The following USP51 variants were observed in gnomAD, a reference collection of about 807,000 sequenced individuals.
USP51 encodes the protein ubiquitin specific peptidase 51, also known as ubiquitin carboxyl-terminal hydrolase 51.
USP51 carries 5 observed loss-of-function variants against 17.6 expected under a neutral mutation model. The ratio of observed to expected loss-of-function variants is 0.28; its 90% confidence interval spans 0.15 to 0.60. The LOEUF is 0.60. USP51 is among the 20% of genes least tolerant of loss of function. USP51 has a pLI of 0.88. For missense variants in USP51, 459 were observed against 559.5 expected, an observed-to-expected ratio of 0.82 and a Z score of 1.81; for synonymous variants, 248 against 216.1, an observed-to-expected ratio of 1.15 and a Z score of -1.29.
At position 55,485,671 on chromosome X, in the gene USP51, A is replaced by AT. The variant is rs906367117; in HGVS notation, c.*1132dup. 3 of 110,625 alleles carry AT rather than the reference A, an allele frequency of 2.7e-5. No individual in the cohort carries two copies. Among genetic ancestry groups the AT allele is most frequent in the Non-Finnish European group, 5.7e-5 (3 of 52,766 alleles). 9.1% of individuals were successfully genotyped at this position (110,625 alleles called of 1,213,427 possible). ...AATTTTTTCTACTTGAATCTTTCAC[A>AT]TTTTTTCACTGGTCAATTTTTATGT... On this transcript the variant is annotated 3_prime_UTR_variant, in exon 3 of 3. Coordinates refer to ENST00000500968, the MANE Select transcript of USP51 (RefSeq NM_201286.4).
rs2031387149 is a variant in USP51, at chrX:55,489,255, G to A, written c.-136C>T. On this transcript the variant is annotated 5_prime_UTR_variant, in exon 2 of 3. Coordinates refer to ENST00000500968, the MANE Select transcript of USP51 (RefSeq NM_201286.4). ...GGGTGGGGAACGGCCTGAGCTTTAG[G>A]ACAGAAAGGATGGAAACTTCTTTAA... 1 of 255,713 alleles carries A rather than the reference G, an allele frequency of 3.9e-6. No individual in the cohort carries two copies. The highest frequency in any genetic ancestry group is 6.9e-6 in the Non-Finnish European group (1 of 145,014). The allele number at this position is 255,713 out of a possible 1,213,427, so 21.1% of individuals were successfully genotyped here.
rs758432980 is a variant in USP51 at position 55,485,371 on chromosome X, C to T, written c.*1433G>A. ...ACTTCCTTCAGGATATGAGATGGGGCATGGAATCTCAAGAGGGGAAGGTGG... is the reference window on the plus strand; with the variant it reads ...ACTTCCTTCAGGATATGAGATGGGGTATGGAATCTCAAGAGGGGAAGGTGG... On this transcript the variant is annotated 3_prime_UTR_variant, in exon 3 of 3. Coordinates refer to ENST00000500968, the MANE Select transcript of USP51 (RefSeq NM_201286.4). The T allele has an allele frequency of 2.0e-4, 22 of 111,337 alleles. No homozygotes were observed. The South Asian group carries it at 2.2e-3, about 11-fold the overall frequency. The allele number at this position is 111,337 out of a possible 1,213,427, so 9.2% of individuals were successfully genotyped here. A position where few individuals can be genotyped will look rare whatever the true frequency, so the allele number is the denominator to read the frequency against.
Position 55,488,721 on chromosome X carries a change from C to T in USP51, c.219G>A (p.Thr73=), listed in dbSNP as rs747005031. ...TCTCGTCGCCGCCGCTGCTGCTCCACGTCAAGTTCTCCTCCGGCGCGGGCT... is the reference window on the plus strand; with the variant it reads ...TCTCGTCGCCGCCGCTGCTGCTCCATGTCAAGTTCTCCTCCGGCGCGGGCT... ...EREPAPEENL[T]WSSSGGDEKV... Residue 73 remains threonine (T), a synonymous_variant, in exon 3 of 3, where the codon ACG becomes ACA. Transcript: ENST00000500968. The T allele has an allele frequency of 2.7e-5, 32 of 1,202,891 alleles. No homozygotes were observed. The East Asian group carries it at 7.1e-4, about 27-fold the overall frequency.
In USP51 at chrX:55,487,729, C is replaced by T; in HGVS notation, c.1211G>A (p.Ser404Asn). ...AGACATTTCACAGACCAGACACAAG[C>T]TGGGGCTTGTCATTATACATTTGTG... ...DKHKCIMTSP[S>N]LCLVCEMSSL... The change falls in exon 3 of 3, where the codon AGC becomes AAC. Residue 404 changes from serine to asparagine, a missense_variant. Transcript: ENST00000500968. The T allele has an allele frequency of 8.3e-7, 1 of 1,212,110 alleles. No individual in the cohort carries two copies. Among genetic ancestry groups the T allele is most frequent in the Non-Finnish European group, 1.1e-6 (1 of 895,617 alleles).
At position 55,486,054 on chromosome X, in the gene USP51, A is replaced by G. The variant is rs1437732098; in HGVS notation, c.*750T>C. 2 of 110,995 alleles carry G rather than the reference A, an allele frequency of 1.8e-5. No homozygotes were observed. The highest frequency in any genetic ancestry group is 3.8e-5 in the Non-Finnish European group (2 of 52,848). The allele number at this position is 110,995 out of a possible 1,213,427, so 9.1% of individuals were successfully genotyped here. A position where few individuals can be genotyped will look rare whatever the true frequency, so the allele number is the denominator to read the frequency against. On this transcript the variant is annotated 3_prime_UTR_variant, in exon 3 of 3. Coordinates refer to ENST00000500968, the MANE Select transcript of USP51 (RefSeq NM_201286.4). ...TTATTTTCCTTCATTTGAAACTTTTAAGATGTTCCTTTGTTTCTAACTTTA... is the reference window on the plus strand; with the variant it reads ...TTATTTTCCTTCATTTGAAACTTTTGAGATGTTCCTTTGTTTCTAACTTTA...
rs766471132 is a variant in USP51 at position 55,489,316 on chromosome X, T to G, written c.-197A>C. On this transcript the variant is annotated 5_prime_UTR_variant, in exon 2 of 3. Transcript: ENST00000500968. Reference sequence around the variant, plus strand: ...ACCCTCTGACTGCTTTTTTGCGCCCTGCGCAGCCTCGCTTTGGTGCAGCTT... The same window carrying G: ...ACCCTCTGACTGCTTTTTTGCGCCCGGCGCAGCCTCGCTTTGGTGCAGCTT... 1 of 165,939 alleles carries G rather than the reference T, an allele frequency of 6.0e-6. No individual in the cohort carries two copies. Among genetic ancestry groups the G allele is most frequent in the South Asian group, 2.1e-4 (1 of 4,666 alleles). 13.7% of individuals were successfully genotyped at this position (165,939 alleles called of 1,213,427 possible).
chrX:55,487,193 G>A lies in USP51; in HGVS notation c.1747C>T (p.Leu583Phe). The A allele has an allele frequency of 8.3e-7, 1 of 1,211,936 alleles. No individual in the cohort carries two copies. Among genetic ancestry groups the A allele is most frequent in the Non-Finnish European group, 1.1e-6 (1 of 895,584 alleles). Residue 583 changes from leucine to phenylalanine, a missense_variant, in exon 3 of 3, where the codon CTC (leucine) becomes TTC (phenylalanine). By Grantham distance (22) the Leu-to-Phe change is conservative (BLOSUM62 0). Transcript: ENST00000500968. ...ACAATGGGTAATTTTTTCATTGTGA[G>A]CTGTTTAGTAGACTCCTGGTAGCTT... ...CQSYQESTKQ[L>F]TMKKLPIVAC...
chrX:55,489,658 TTTG>T (rs2031395379), intron 1 of USP51, among the ~76,000 whole-genome samples, 115 bp downstream of exon 1: 1 of 111,834 alleles, frequency 8.9e-6, no homozygotes, highest in Non-Finnish European at 1.9e-5. Flanking sequence ...CCTTCACGCA[TTTG>T]CCACCTCTAT....
rs1220187331 is a variant in USP51, at chrX:55,486,253, T to TA, written c.*550dup. 1.8e-5 allele frequency: 2 copies of TA among 112,373 alleles called. No homozygotes were observed. Among genetic ancestry groups the TA allele is most frequent in the African/African-American group, 6.4e-5 (2 of 31,130 alleles). 9.3% of individuals were successfully genotyped at this position (112,373 alleles called of 1,213,427 possible). A position where few individuals can be genotyped will look rare whatever the true frequency, so the allele number is the denominator to read the frequency against. ...TTTTTAACTTTTAAAATATTTCTTTTAAAAATAACAACTTAAATTTTTTTC... is the reference window on the plus strand; with the variant it reads ...TTTTTAACTTTTAAAATATTTCTTTTAAAAAATAACAACTTAAATTTTTTTC... On this transcript the variant is annotated 3_prime_UTR_variant, in exon 3 of 3. Coordinates refer to ENST00000500968, the MANE Select transcript of USP51 (RefSeq NM_201286.4).
rs764504279 is a variant in USP51 at position 55,484,925 on chromosome X, G to A, written c.*1879C>T. On this transcript the variant is annotated 3_prime_UTR_variant, in exon 3 of 3. Transcript: ENST00000500968. ...GGTGAATAGTCAAAGAAGGAGCCCT[G>A]CAGGCTGGGGCTCAGAGATGTAGGT... 3 of 111,854 alleles carry A rather than the reference G, an allele frequency of 2.7e-5. No homozygotes were observed. Among genetic ancestry groups the A allele is most frequent in the South Asian group, 3.8e-4 (1 of 2,635 alleles). 9.2% of individuals were successfully genotyped at this position (111,854 alleles called of 1,213,427 possible). A position where few individuals can be genotyped will look rare whatever the true frequency, so the allele number is the denominator to read the frequency against.
In USP51 at chrX:55,486,882, G is replaced by C. The variant is rs745372525; in HGVS notation, c.2058C>G (p.Thr686=). Reference sequence around the variant, plus strand: ...AGAGTAAGTCCTCAATGGTAGCCTTGGTGATGATGGCATCATCACAGCTGA... The same window carrying C: ...AGAGTAAGTCCTCAATGGTAGCCTTCGTGATGATGGCATCATCACAGCTGA... The part of the protein sequence containing the change: ...QWFSCDDAII[T]KATIEDLLYS... The change falls in exon 3 of 3, where the codon ACC becomes ACG. Residue 686 remains threonine, a synonymous_variant. Coordinates refer to ENST00000500968, the MANE Select transcript of USP51 (RefSeq NM_201286.4). 1.7e-6 allele frequency: 2 copies of C among 1,210,761 alleles called. No homozygotes were observed. Among genetic ancestry groups the C allele is most frequent in the Non-Finnish European group, 2.2e-6 (2 of 894,971 alleles).
At position 55,485,265 on chromosome X, in the gene USP51, G is replaced by A. The variant is rs1242844245; in HGVS notation, c.*1539C>T. 9.0e-6 allele frequency: 1 copy of A among 111,412 alleles called. No homozygotes were observed. The highest frequency in any genetic ancestry group is 9.5e-5 in the Admixed American group (1 of 10,472). 9.2% of individuals were successfully genotyped at this position (111,412 alleles called of 1,213,427 possible). A position where few individuals can be genotyped will look rare whatever the true frequency, so the allele number is the denominator to read the frequency against. On this transcript the variant is annotated 3_prime_UTR_variant, in exon 3 of 3. Coordinates refer to ENST00000500968, the MANE Select transcript of USP51 (RefSeq NM_201286.4). Reference sequence around the variant, plus strand: ...CTTTTCAGAAGCTAAGAATTTGTATGAATAATGCAGTTCTAAATGGGAAAG... The same window carrying A: ...CTTTTCAGAAGCTAAGAATTTGTATAAATAATGCAGTTCTAAATGGGAAAG...
rs1317685895 is a variant in USP51 at position 55,484,834 on chromosome X, C to T, written c.*1970G>A. 3.6e-5 allele frequency: 4 copies of T among 111,305 alleles called. No homozygotes were observed. The highest frequency in any genetic ancestry group is 1.3e-4 in the African/African-American group (4 of 30,537). 9.2% of individuals were successfully genotyped at this position (111,305 alleles called of 1,213,427 possible). ...TTTTCTCATTTATACCTGCCTAGAG[C>T]ATTCAGGGAAGACTCCAGAGAAGTC... On this transcript the variant is annotated 3_prime_UTR_variant, in exon 3 of 3. Transcript: ENST00000500968.
At position 55,488,885 on chromosome X, in the gene USP51, A is replaced by G; in HGVS notation, c.55T>C (p.Ser19Pro). The change falls in exon 3 of 3, where the codon TCC (serine) becomes CCC (proline). Residue 19 changes from serine (S) to proline (P), a missense_variant. Transcript: ENST00000500968. ...GGAGAGGCTCCTCCCCCACCTCCGG[A>G]GATCCAGCGGACCCCAGAGCCGGAG... ...LPSGSGVRWISGGGGGASPEE... is the reference protein window; with the variant it reads ...LPSGSGVRWIPGGGGGASPEE... 8.3e-7 allele frequency: 1 copy of G among 1,209,309 alleles called. No homozygotes were observed. Among genetic ancestry groups the G allele is most frequent in the Non-Finnish European group, 1.1e-6 (1 of 894,548 alleles).
Position 55,489,158 on chromosome X carries a change from G to C in USP51, c.-50+11C>G. 4 of 460,636 alleles carry C rather than the reference G, an allele frequency of 8.7e-6. No individual in the cohort carries two copies. Among genetic ancestry groups the C allele is most frequent in the Middle Eastern group, 6.2e-4 (1 of 1,603 alleles). The allele number at this position is 460,636 out of a possible 1,213,427, so 38.0% of individuals were successfully genotyped here. A position where few individuals can be genotyped will look rare whatever the true frequency, so the allele number is the denominator to read the frequency against. On this transcript the variant is annotated intron_variant, in intron 2 of 2. Coordinates refer to ENST00000500968, the MANE Select transcript of USP51 (RefSeq NM_201286.4). ...GGCCCCTGGAGCTGATGGGGAGACC[G>C]AGGCGGTTACCTGCTTCAAAGGCGA...
chrX:55,488,117 C>T lies in USP51; in HGVS notation c.823G>A (p.Ala275Thr). The T allele has an allele frequency of 8.3e-7, 1 of 1,211,976 alleles. No individual in the cohort carries two copies. Among genetic ancestry groups the T allele is most frequent in the Non-Finnish European group, 1.1e-6 (1 of 895,592 alleles). The change falls in exon 3 of 3, where the codon GCT (alanine) becomes ACT (threonine). Residue 275 changes from alanine (A) to threonine (T), a missense_variant. By Grantham distance (58) the Ala-to-Thr change is moderately conservative (BLOSUM62 0). Around this residue, in one of 2 missense-constraint regions of USP51, gnomAD observed 227 missense variants for 365.5 expected, o/e 0.62. Coordinates refer to ENST00000500968, the MANE Select transcript of USP51 (RefSeq NM_201286.4). ...KHAETKQHHL[A>T]VDLYHGVIYC... ...ATGACCCCATGATAAAGGTCTACAG[C>T]TAAATGGTGCTGCTTTGTTTCTGCA...
chrX:55,486,470 A>G lies in USP51; in HGVS notation c.*334T>C, dbSNP rs1018723910. 1.8e-5 allele frequency: 3 copies of G among 168,978 alleles called. No individual in the cohort carries two copies. Among genetic ancestry groups the G allele is most frequent in the African/African-American group, 6.0e-5 (2 of 33,285 alleles). The allele number at this position is 168,978 out of a possible 1,213,427, so 13.9% of individuals were successfully genotyped here. ...AAGGAATACTCCCTGACTTCACAAGATATTTCTGTAAAAACAAATGACATA... is the reference window on the plus strand; with the variant it reads ...AAGGAATACTCCCTGACTTCACAAGGTATTTCTGTAAAAACAAATGACATA... On this transcript the variant is annotated 3_prime_UTR_variant, in exon 3 of 3. Transcript: ENST00000500968.
Position 55,487,379 on chromosome X carries a change from A to G in USP51, c.1561T>C (p.Ser521Pro). ...TTCTGGGAATCGAATGTGGCACAAG[A>G]GCCAGGCAAGTCCAAACTGATGTCC... ...CWDISLDLPG[S>P]CATFDSQNPE... is the part of the protein sequence containing the mutation. The change falls in exon 3 of 3, where the codon TCT becomes CCT. Residue 521 changes from serine (S) to proline (P), a missense_variant. Transcript: ENST00000500968. 8.3e-7 allele frequency: 1 copy of G among 1,211,878 alleles called. No individual in the cohort carries two copies. The highest frequency in any genetic ancestry group is 1.8e-5 in the South Asian group (1 of 56,975).
At position 55,488,948 on chromosome X, in the gene USP51, T is replaced by G; in HGVS notation, c.-9A>C. 1 of 1,197,975 alleles carries G rather than the reference T, an allele frequency of 8.3e-7. No homozygotes were observed. The highest frequency in any genetic ancestry group is 3.0e-5 in the East Asian group (1 of 33,068). On this transcript the variant is annotated 5_prime_UTR_variant, in exon 3 of 3. Transcript: ENST00000500968. ...TCTCGAACCTGGGCCATCAGATCAC[T>G]CCCCGACCTGAGGAGCAAGGCGTCT...
Sources: gnomAD v4.1 joint callset for allele counts (sites outside exome capture counted in the v4.1 genomes callset) on GRCh38, gnomAD v4.1.1 for gene constraint, gnomAD v4.1.1 regional missense constraint, MANE v1.5 for transcripts, NCBI Gene and HGNC (gene_info 2026-07-23, HGNC 2026-07-21) for gene names.